The following BCAS4 variants were observed in gnomAD, a reference collection of about 807,000 sequenced individuals.
The protein encoded by BCAS4 is breast carcinoma amplified sequence 4.
In BCAS4, 9 loss-of-function variants were observed where a neutral mutation model predicts 15.7. The ratio of observed to expected loss-of-function variants is 0.57; its 90% confidence interval spans 0.34 to 1.00. The LOEUF (loss-of-function observed/expected upper bound fraction) is 1.00. BCAS4 is among the 50% of genes least tolerant of loss of function. The pLI is 0.02. For missense variants in BCAS4, 225 were observed against 239.1 expected (o/e 0.94, Z 0.39); for synonymous variants, 101 against 99.5 (o/e 1.02, Z -0.09).
rs1265079642 is a variant in BCAS4 at position 50,876,402 on chromosome 20, GA to G, written c.400-83del. The G allele has an allele frequency of 2.3e-5, 36 of 1,553,860 alleles. No homozygotes were observed. The African/African-American group carries it at 4.9e-4, about 21-fold the overall frequency. ...TTGGTCATATGTGTGAGTCCTGCAG[GA>G]TGAACTTGTAGACCGGGAATTCCTG... On this transcript the variant is annotated intron_variant, in intron 4 of 4. Coordinates refer to ENST00000371608, the MANE Select transcript of BCAS4 (RefSeq NM_198799.4).
intron 1 of BCAS4, among the ~76,000 whole-genome samples, chr20:50,800,184 T>C (rs2087910746): frequency 6.6e-6 from 1 of 152,190 alleles, no homozygotes; most frequent in Non-Finnish European, 1.5e-5. Flanking sequence ...GGTTATTGTC[T>C]GGGTGCAGTC....
rs905666309 is a variant in BCAS4 at position 50,812,076 on chromosome 20, C to T, written c.91-6135C>T. On this transcript the variant is annotated intron_variant, in intron 1 of 4. Coordinates refer to ENST00000371608, the MANE Select transcript of BCAS4 (RefSeq NM_198799.4). ...CAAATGATACTCTATTGTAGGGATA[C>T]ATCACATTTTATTTGTTCATTCATC... 5.9e-5 allele frequency among the ~76,000 whole-genome samples: 9 copies of T among 152,302 alleles called. No homozygotes were observed. In the South Asian group the frequency reaches 1.9e-3, roughly 32 times the overall value.
intron 1 of BCAS4, among the ~76,000 whole-genome samples, chr20:50,796,470 TATATATATATATA>T (rs1569013121): frequency 6.3e-4 from 8 of 12,626 alleles, no homozygotes; most frequent in Admixed American, 1.9e-3. Flanking sequence ...TATATATATA[TATATATATATATA>T]TATATTTTTT....
chr20:50,862,360 C>G (rs1462338841), intron 4 of BCAS4, among the ~76,000 whole-genome samples: 1 of 152,214 alleles, frequency 6.6e-6, no homozygotes, highest in Non-Finnish European at 1.5e-5. Context: ...GTCTCTCCCT[C>G]TTTTCCTTTC....
At chr20:50,845,346 A>G (rs910612278) in intron 4 of BCAS4, among the ~76,000 whole-genome samples, 2 of 151,926 alleles carry the variant, frequency 1.3e-5, no homozygotes, top group Admixed American at 1.3e-4. Context: ...TTCCATCTTG[A>G]TTATTTCAAA....
intron 3 of BCAS4, among the ~76,000 whole-genome samples, chr20:50,836,196 G>A (rs185142925): frequency 4.6e-5 from 7 of 152,322 alleles, no homozygotes; most frequent in East Asian, 3.9e-4. Context: ...GATTACCGGC[G>A]TGAGCCACTG....
chr20:50,818,004 C>T (rs71351212), intron 1 of BCAS4, among the ~76,000 whole-genome samples: 2,581 of 152,052 alleles, frequency 0.017, 34 homozygotes, highest in Middle Eastern at 0.037. Flanking sequence ...ATGGAGAGGC[C>T]GTGGTGGCTT....
intron 3 of BCAS4, chr20:50,840,571 A>G (rs202025954): frequency 0.012 from 18,106 of 1,539,710 alleles, 148 homozygotes; most frequent in Non-Finnish European, 0.014. Context: ...ATAAGAAGGC[A>G]ATGCTTGTGG....
At position 50,876,656 on chromosome 20, in the gene BCAS4, A is replaced by G. The variant is rs777102493; in HGVS notation, c.*48A>G. 6.3e-7 allele frequency: 1 copy of G among 1,581,104 alleles called. No individual in the cohort carries two copies. Among genetic ancestry groups the G allele is most frequent in the Admixed American group, 1.9e-5 (1 of 51,570 alleles). On this transcript the variant is annotated 3_prime_UTR_variant, in exon 5 of 5. Coordinates refer to ENST00000371608, the MANE Select transcript of BCAS4 (RefSeq NM_198799.4). ...AACGCTGGAAAGTGACATTGTGTAC[A>G]CACTGCAGCTTGGGGGTTTTTTCTT...
At chr20:50,813,639 A>G (rs1254415606) in intron 1 of BCAS4, among the ~76,000 whole-genome samples, 1 of 139,584 alleles carries the variant, frequency 7.2e-6, no homozygotes, top group Non-Finnish European at 1.5e-5. Context: ...TGGAGTTTCC[A>G]TTTGTTGAAT....
At position 50,871,164 on chromosome 20, in the gene BCAS4, C is replaced by T. The variant is rs4387861; in HGVS notation, c.400-5322C>T. ...AGTTTGCTGCTCCATCCTCAAGGAG[C>T]CCTAGAGGGCGATGGGCAAGGGCTG... On this transcript the variant is annotated intron_variant, in intron 4 of 4. Coordinates refer to ENST00000371608, the MANE Select transcript of BCAS4 (RefSeq NM_198799.4). Among the ~76,000 whole-genome samples, 1,395 of 152,324 alleles carry T rather than the reference C, an allele frequency of 9.2e-3. 28 individuals carry two copies. Among genetic ancestry groups the T allele is most frequent in the African/African-American group, 0.031 (1,296 of 41,566 alleles).
chr20:50,855,182 C>T (rs1364186619), intron 4 of BCAS4, among the ~76,000 whole-genome samples: 20 of 152,200 alleles, frequency 1.3e-4, no homozygotes, highest in Admixed American at 1.2e-3. Context: ...CCACCCTCAC[C>T]CCCAGCCCTG....
At chr20:50,858,228 T>G (rs1052435362) in intron 4 of BCAS4, among the ~76,000 whole-genome samples, 4 of 152,212 alleles carry the variant, frequency 2.6e-5, no homozygotes, top group Non-Finnish European at 5.9e-5. Context: ...AGAGAATATA[T>G]AGAGAGAATT....
rs558555439 is a variant in BCAS4, at chr20:50,872,084, A to G, written c.400-4402A>G. Among the ~76,000 whole-genome samples the G allele has an allele frequency of 1.3e-4, 20 of 151,568 alleles. No individual in the cohort carries two copies. In the South Asian group the frequency reaches 4.0e-3, roughly 30 times the overall value. On this transcript the variant is annotated intron_variant, in intron 4 of 4. Coordinates refer to ENST00000371608, the MANE Select transcript of BCAS4 (RefSeq NM_198799.4). Reference sequence around the variant, plus strand: ...AGACCAGCCTGGCCAACACGGTGAAACCCTATCTCTACAAAAATACAAAAA... The same window carrying G: ...AGACCAGCCTGGCCAACACGGTGAAGCCCTATCTCTACAAAAATACAAAAA...
rs565149405 is a variant in BCAS4, at chr20:50,808,021, C to T, written c.91-10190C>T. On this transcript the variant is annotated intron_variant, in intron 1 of 4. Transcript: ENST00000371608. ...CTCCTGGGTTCACGCGATTCTCCTG[C>T]CTCAGCCTCCCGAGTAGCTGGGATT... Among the ~76,000 whole-genome samples the T allele has an allele frequency of 4.0e-5, 6 of 151,846 alleles. No individual in the cohort carries two copies. In the South Asian group the frequency reaches 1.3e-3, roughly 32 times the overall value.
intron 3 of BCAS4, among the ~76,000 whole-genome samples, chr20:50,836,040 C>T (rs1407328424): frequency 6.6e-6 from 1 of 152,030 alleles, no homozygotes; most frequent in East Asian, 1.9e-4. Flanking sequence ...GCCTCAGCCT[C>T]CTGAGTAGCT....
chr20:50,831,064 T>C (rs1306518337), intron 3 of BCAS4, among the ~76,000 whole-genome samples: 2 of 152,108 alleles, frequency 1.3e-5, no homozygotes, highest in African/African-American at 4.8e-5. Context: ...ATCGACATCA[T>C]GTGATGATGA....
At chr20:50,820,081 G>T (rs1343356098) in intron 2 of BCAS4, among the ~76,000 whole-genome samples, 1 of 152,202 alleles carries the variant, frequency 6.6e-6, no homozygotes, top group African/African-American at 2.4e-5. Flanking sequence ...GGCCTTAAGT[G>T]ATCCTCCCGC....
chr20:50,840,875 G>A (rs1416427623), intron 3 of BCAS4: 3 of 766,722 alleles, frequency 3.9e-6, no homozygotes, highest in Non-Finnish European at 6.8e-6. Flanking sequence ...TGTCGCGCAG[G>A]CTGGACTGCA....
Sources: gnomAD v4.1 joint callset for allele counts (sites outside exome capture counted in the v4.1 genomes callset) on GRCh38, gnomAD v4.1.1 for gene constraint, MANE v1.5 for transcripts, NCBI Gene and HGNC (gene_info 2026-07-23, HGNC 2026-07-21) for gene names.